The following BTBD18 variants were observed in gnomAD, a reference collection of about 807,000 sequenced individuals.
BTBD18 encodes BTB domain containing 18.
For synonymous variants in BTBD18, 311 were observed against 324.4 expected, an observed-to-expected ratio of 0.96 and a Z score of 0.44; for missense variants, 787 against 846.3, an observed-to-expected ratio of 0.93 and a Z score of 0.87.
chr11:57,746,850 T>A (rs931525414), intron 2 of BTBD18, among the ~76,000 whole-genome samples: 2 of 149,894 alleles, frequency 1.3e-5, no homozygotes, highest in Non-Finnish European at 3.0e-5. Flanking sequence ...ACCACAAGTC[T>A]GAGTTAGGTG....
chr11:57,745,563 T>C lies in BTBD18; in HGVS notation c.710A>G (p.Asp237Gly), dbSNP rs1949173392. 6.4e-7 allele frequency: 1 copy of C among 1,550,888 alleles called. No individual in the cohort carries two copies. ...HSQEPRENKN[D>G]TALDPTVLSP... is the part of the protein sequence containing the mutation. ...GAGCACTGTAGGATCAAGGGCAGTG[T>C]CATTCTTGTTCTCTCTAGGCTCTTG... Residue 237 changes from aspartate (D) to glycine (G), a missense_variant, in exon 3 of 3, where the codon GAC (aspartate) becomes GGC (glycine). Asp to Gly is a moderately conservative substitution (Grantham distance 94, BLOSUM62 -1). Coordinates refer to ENST00000422652, the MANE Select transcript of BTBD18 (RefSeq NM_001145101.3).
chr11:57,749,745 CAAAAAAA>C (rs576323420), intron 2 of BTBD18, among the ~76,000 whole-genome samples: 7 of 62,970 alleles, frequency 1.1e-4, no homozygotes, highest in South Asian at 9.2e-4. Context: ...GCAAGAATCT[CAAAAAAA>C]AAAAAAAAAA....
chr11:57,744,103 C>T lies in BTBD18; in HGVS notation c.*31G>A. 2.1e-6 allele frequency: 3 copies of T among 1,426,554 alleles called. No individual in the cohort carries two copies. The highest frequency in any genetic ancestry group is 2.2e-5 in the Admixed American group (1 of 46,062). 88.4% of individuals were successfully genotyped at this position (1,426,554 alleles called of 1,614,324 possible). ...TTGCTAGCTAACATTTCCCACCCTCCCAAGGCCCCTAACCTGCCCTCCCCT... is the reference window on the plus strand; with the variant it reads ...TTGCTAGCTAACATTTCCCACCCTCTCAAGGCCCCTAACCTGCCCTCCCCT... On this transcript the variant is annotated 3_prime_UTR_variant, in exon 3 of 3. Transcript: ENST00000422652.
At chr11:57,750,255 T>A (rs1043448602) in intron 2 of BTBD18, among the ~76,000 whole-genome samples, 1 of 152,084 alleles carries the variant, frequency 6.6e-6, no homozygotes, top group African/African-American at 2.4e-5. Flanking sequence ...CACGCACCTG[T>A]AGTCCCAGCT....
Position 57,751,229 on chromosome 11 carries a change from T to C in BTBD18, c.-41A>G, listed in dbSNP as rs182968723. On this transcript the variant is annotated 5_prime_UTR_variant, in exon 2 of 3. Transcript: ENST00000422652. The stretch of plus-strand genomic sequence containing the variant: ...AACAAACCTTCTAGGTTTTCACAGA[T>C]CAGACTCCTGTAGGTGAGATAATAC... 43 of 1,482,198 alleles carry C rather than the reference T, an allele frequency of 2.9e-5. No individual in the cohort carries two copies. In the Admixed American group the frequency reaches 1.0e-3, roughly 34 times the overall value. The allele number at this position is 1,482,198 out of a possible 1,614,324, so 91.8% of individuals were successfully genotyped here.
At position 57,745,305 on chromosome 11, in the gene BTBD18, G is replaced by T. The variant is rs375878108; in HGVS notation, c.968C>A (p.Thr323Asn). ...CTTTCCCAGACCAGATGGGTTTGGG[G>T]TGCTCTGCAGAGGACTAGCTCTGCC... ...KPGRASPLQSTPNPSGLGKTG... is the reference protein window; with the variant it reads ...KPGRASPLQSNPNPSGLGKTG... The change falls in exon 3 of 3, where the codon ACC becomes AAC. Residue 323 changes from threonine to asparagine, a missense_variant. Transcript: ENST00000422652. 3.2e-6 allele frequency: 5 copies of T among 1,551,562 alleles called. No individual in the cohort carries two copies. The African/African-American group carries it at 6.8e-5, about 21-fold the overall frequency.
chr11:57,746,613 C>G (rs1348511574), intron 2 of BTBD18, among the ~76,000 whole-genome samples: 2 of 152,014 alleles, frequency 1.3e-5, no homozygotes, highest in East Asian at 3.9e-4. Context: ...CGTGAGCCAC[C>G]GTGTCCAGCC....
In BTBD18 at chr11:57,744,299, T is replaced by C; in HGVS notation, c.1974A>G (p.Val658=). Residue 658 remains valine, a synonymous_variant, in exon 3 of 3, where the codon GTA becomes GTG. Transcript: ENST00000422652. ...AGCCTAGTAGTTCAGAGTGACCAGA[T>C]ACCTCCTTGCCTGCCTTGGGAGAAG... ...LYPSPKAGKE[V]SGHSELLGSL... is the part of the protein sequence containing the mutation. 1.3e-6 allele frequency: 2 copies of C among 1,551,682 alleles called. No individual in the cohort carries two copies. The highest frequency in any genetic ancestry group is 1.7e-6 in the Non-Finnish European group (2 of 1,146,962).
intron 2 of BTBD18, among the ~76,000 whole-genome samples, chr11:57,748,564 G>A (rs79166223): frequency 3.0e-4 from 44 of 145,146 alleles, no homozygotes; most frequent in Middle Eastern, 3.6e-3. Context: ...AGAAAAAAAA[G>A]AAAAAAAAAA....
chr11:57,747,947 A>G (rs1004544495), intron 2 of BTBD18, among the ~76,000 whole-genome samples: 1 of 152,174 alleles, frequency 6.6e-6, no homozygotes, highest in Non-Finnish European at 1.5e-5. Flanking sequence ...CTACAAGCAT[A>G]TACCACCTCA....
At chr11:57,747,709 G>A (rs1038888245) in intron 2 of BTBD18, among the ~76,000 whole-genome samples, 2 of 152,108 alleles carry the variant, frequency 1.3e-5, no homozygotes, top group African/African-American at 4.8e-5. Flanking sequence ...ATGTTGGCCA[G>A]GCTGATCTTG....
chr11:57,748,267 A>G (rs775486592), intron 2 of BTBD18, among the ~76,000 whole-genome samples: 1 of 152,204 alleles, frequency 6.6e-6, no homozygotes. Context: ...TTGTTGAGTC[A>G]TTATGTTCCA....
At chr11:57,752,828 G>A (rs1949341488), upstream of BTBD18, among the ~76,000 whole-genome samples, 1 of 152,210 alleles carries the variant, frequency 6.6e-6, no homozygotes, top group Non-Finnish European at 1.5e-5. Context: ...GGTGTTGGCG[G>A]AGAAAGCAGG....
upstream of BTBD18, among the ~76,000 whole-genome samples, chr11:57,752,726 A>C (rs1278847806): frequency 6.6e-6 from 1 of 151,990 alleles, no homozygotes; most frequent in African/African-American, 2.4e-5. Context: ...GCTTCCTCTC[A>C]ATGTTCAGCG....
Position 57,745,580 on chromosome 11 carries a change from A to G in BTBD18, c.693T>C (p.Pro231=). ...NSSPSSHSQE[P]RENKNDTALD... ...GGGCAGTGTCATTCTTGTTCTCTCT[A>G]GGCTCTTGACTATGGCTTGATGGTG... Residue 231 remains proline (P), a synonymous_variant, in exon 3 of 3, where the codon CCT becomes CCC. Coordinates refer to ENST00000422652, the MANE Select transcript of BTBD18 (RefSeq NM_001145101.3). 1 of 1,551,406 alleles carries G rather than the reference A, an allele frequency of 6.4e-7. No individual in the cohort carries two copies. The highest frequency in any genetic ancestry group is 8.7e-7 in the Non-Finnish European group (1 of 1,146,966).
At chr11:57,747,892 C>T (rs964349145) in intron 2 of BTBD18, among the ~76,000 whole-genome samples, 8 of 152,308 alleles carry the variant, frequency 5.3e-5, no homozygotes, top group Admixed American at 2.0e-4. Flanking sequence ...CTCAACCTCC[C>T]GGGCTCTGGT....
At chr11:57,753,133 G>C (rs565974315), upstream of BTBD18, 4 of 154,040 alleles carry the variant, frequency 2.6e-5, no homozygotes, top group African/African-American at 7.3e-5. Flanking sequence ...CACCGTCCTA[G>C]CGCGCTGCGC....
At chr11:57,748,861 A>G (rs999590519) in intron 2 of BTBD18, among the ~76,000 whole-genome samples, 1 of 152,208 alleles carries the variant, frequency 6.6e-6, no homozygotes, top group African/African-American at 2.4e-5. Flanking sequence ...GTGTCCTGAG[A>G]TACCTACTTC....
At position 57,745,469 on chromosome 11, in the gene BTBD18, T is replaced by A. The variant is rs1224767662; in HGVS notation, c.804A>T (p.Ser268=). 5 of 1,550,566 alleles carry A rather than the reference T, an allele frequency of 3.2e-6. No homozygotes were observed. The South Asian group carries it at 5.9e-5, about 18-fold the overall frequency. The change falls in exon 3 of 3, where the codon TCA becomes TCT. Residue 268 remains serine, a synonymous_variant. Coordinates refer to ENST00000422652, the MANE Select transcript of BTBD18 (RefSeq NM_001145101.3). ...LLPRKIRLSR[S]KPSPGICTSK... ...ATGTACAGATACCAGGAGATGGCTT[T>A]GAGCGACTGAGCCTGATCTTTCTGG...
Sources: allele counts gnomAD v4.1 joint callset (sites outside exome capture counted in the v4.1 genomes callset), GRCh38; gene constraint gnomAD v4.1.1; transcripts MANE v1.5; gene names NCBI Gene and HGNC (gene_info 2026-07-23, HGNC 2026-07-21).